The following MAD1L1 variants were observed in gnomAD, a reference collection of about 807,000 sequenced individuals.
The protein encoded by MAD1L1 is mitotic spindle assembly checkpoint protein MAD1.
In MAD1L1, 95 loss-of-function variants were observed where a neutral mutation model predicts 96.9. The ratio of observed to expected loss-of-function variants is 0.98; its 90% CI spans 0.83 to 1.16. The LOEUF (loss-of-function observed/expected upper bound fraction) is 1.16, where lower values mean the gene tolerates loss of function less well. MAD1L1 is among the 50% of genes most tolerant of loss of function. MAD1L1 has a pLI of 0.00. For missense variants in MAD1L1, 1,007 were observed against 954.4 expected, an observed-to-expected ratio of 1.06 and a Z score of -0.73; for synonymous variants, 473 against 396.6, an observed-to-expected ratio of 1.19 and a Z score of -2.29.
At chr7:2,137,660 C>T (rs1463154572) in intron 11 of MAD1L1, among the ~76,000 whole-genome samples, 4 of 152,204 alleles carry the variant, frequency 2.6e-5, no homozygotes, top group African/African-American at 9.6e-5. Context: ...TGCCTGAAAA[C>T]CTCAGCCAGG....
chr7:2,105,625 C>T (rs1027167938), intron 11 of MAD1L1, among the ~76,000 whole-genome samples: 1 of 152,102 alleles, frequency 6.6e-6, no homozygotes, highest in East Asian at 1.9e-4. Flanking sequence ...AGGCCAGCCA[C>T]GCACTGTGAA....
At chr7:1,999,491 G>A (rs1781696194) in intron 14 of MAD1L1, among the ~76,000 whole-genome samples, 3 of 152,286 alleles carry the variant, frequency 2.0e-5, no homozygotes, top group South Asian at 4.1e-4. Context: ...ACCTGAGCGT[G>A]GCAGACAGAA....
chr7:2,135,376 TCTCA>T (rs767388720), intron 11 of MAD1L1, among the ~76,000 whole-genome samples: 3 of 152,266 alleles, frequency 2.0e-5, no homozygotes, highest in Non-Finnish European at 2.9e-5. Flanking sequence ...ATGCCATTCC[TCTCA>T]CTGTCTCGTT....
intron 14 of MAD1L1, 23 bp from the exon 15 acceptor site, chr7:1,980,564 G>C (rs1448290890): frequency 6.3e-7 from 1 of 1,595,538 alleles, no homozygotes; most frequent in South Asian, 1.1e-5. Flanking sequence ...AAAGGATAGA[G>C]GGTCAGCAGA....
At chr7:1,904,283 C>T (rs1368341060) in intron 17 of MAD1L1, among the ~76,000 whole-genome samples, 1 of 147,468 alleles carries the variant, frequency 6.8e-6, no homozygotes, top group African/African-American at 2.6e-5. Context: ...AGTGAGGACG[C>T]AGTGGCCTAT....
chr7:1,909,643 C>G (rs1356081312), intron 17 of MAD1L1, among the ~76,000 whole-genome samples: 1 of 152,150 alleles, frequency 6.6e-6, no homozygotes, highest in Non-Finnish European at 1.5e-5. Flanking sequence ...GGGCTGCCGG[C>G]CCCAAATCCA....
At chr7:2,210,808 C>A (rs1028797624) in intron 10 of MAD1L1, among the ~76,000 whole-genome samples, 1 of 152,256 alleles carries the variant, frequency 6.6e-6, no homozygotes, top group South Asian at 2.1e-4. Flanking sequence ...GGTCGACCCC[C>A]ACAGCGAGGA....
chr7:1,857,588 G>A (rs1327861465), intron 18 of MAD1L1, among the ~76,000 whole-genome samples: 1 of 152,238 alleles, frequency 6.6e-6, no homozygotes, highest in Non-Finnish European at 1.5e-5. Flanking sequence ...AGGTGAGGGG[G>A]CTGGGCCCGA....
intron 10 of MAD1L1, among the ~76,000 whole-genome samples, chr7:2,208,070 T>A (rs1351486519): frequency 6.6e-6 from 1 of 152,166 alleles, no homozygotes; most frequent in Non-Finnish European, 1.5e-5. Flanking sequence ...TTACAATGTC[T>A]CCATTTTTCT....
chr7:1,847,650 CG>C (rs1562452484), intron 18 of MAD1L1: 1 of 470,862 alleles, frequency 2.1e-6, no homozygotes, highest in Non-Finnish European at 4.4e-6. Flanking sequence ...CAGCTGCCCT[CG>C]GCCCATCTCC....
At chr7:1,960,863 T>C (rs1365811618) in intron 15 of MAD1L1, among the ~76,000 whole-genome samples, 4 of 152,218 alleles carry the variant, frequency 2.6e-5, no homozygotes, top group Non-Finnish European at 4.4e-5. Flanking sequence ...ACTTGAACTA[T>C]GTACCAAGAA....
chr7:1,998,466 C>T (rs1781653214), intron 14 of MAD1L1, among the ~76,000 whole-genome samples: 1 of 152,248 alleles, frequency 6.6e-6, no homozygotes, highest in African/African-American at 2.4e-5. Context: ...CTCCTGGCCT[C>T]CTGCACATGC....
At chr7:2,108,799 G>A (rs1185806572) in intron 11 of MAD1L1, among the ~76,000 whole-genome samples, 3 of 152,216 alleles carry the variant, frequency 2.0e-5, no homozygotes, top group Non-Finnish European at 4.4e-5. Flanking sequence ...AGCTCCTTCT[G>A]AGCTAGGGAC....
intron 18 of MAD1L1, among the ~76,000 whole-genome samples, chr7:1,823,739 C>T (rs1782245775): frequency 6.6e-6 from 1 of 152,204 alleles, no homozygotes. Context: ...TCAGACACAC[C>T]CCTGCTCCCA....
At chr7:1,819,418 G>A (rs1299164390) in intron 18 of MAD1L1, among the ~76,000 whole-genome samples, 2 of 152,094 alleles carry the variant, frequency 1.3e-5, no homozygotes, top group Non-Finnish European at 1.5e-5. Context: ...CACTCGCGGC[G>A]TCCATTGTGG....
intron 11 of MAD1L1, among the ~76,000 whole-genome samples, chr7:2,090,260 C>G (rs1478035554): frequency 6.6e-6 from 1 of 152,188 alleles, no homozygotes; most frequent in Non-Finnish European, 1.5e-5. Flanking sequence ...CACCGGCGCT[C>G]GGGGAGGGGC....
At chr7:2,201,544 G>A (rs1228703941) in intron 10 of MAD1L1, among the ~76,000 whole-genome samples, 20 of 152,232 alleles carry the variant, frequency 1.3e-4, no homozygotes, top group South Asian at 4.2e-4. Context: ...TACGGCAGCC[G>A]GACTTGTCTA....
intron 12 of MAD1L1, among the ~76,000 whole-genome samples, chr7:2,051,639 C>G (rs1446455247): frequency 6.9e-6 from 1 of 144,040 alleles, no homozygotes; most frequent in African/African-American, 2.6e-5. Context: ...CCCCACCTCC[C>G]CCACCCCCCC....
At chr7:1,881,615 A>T (rs868861916) in intron 18 of MAD1L1, among the ~76,000 whole-genome samples, 2 of 152,388 alleles carry the variant, frequency 1.3e-5, no homozygotes, top group South Asian at 4.1e-4. Flanking sequence ...ATAGCACATT[A>T]TGCAACCATT....
Sources: allele counts gnomAD v4.1 joint callset (sites outside exome capture counted in the v4.1 genomes callset), GRCh38; gene constraint gnomAD v4.1.1; transcripts MANE v1.5; gene names NCBI Gene and HGNC (gene_info 2026-07-23, HGNC 2026-07-21).